ZNF783: variants seen among roughly 807,000 people sequenced by gnomAD.
ZNF783 encodes the protein protein ZNF783.
A neutral mutation model predicts 31.3 loss-of-function variants in ZNF783; 25 were observed. The observed-to-expected ratio is 0.80, with a 90% CI of 0.58 to 1.11. The LOEUF is 1.11. Among genes scored for constraint, ZNF783 ranks in the 50% most tolerant of loss-of-function variants. ZNF783 has a pLI of 0.00. For missense variants in ZNF783, 797 were observed against 760.0 expected (o/e 1.05, Z -0.57); for synonymous variants, 369 against 319.1 (o/e 1.16, Z -1.66).
At chr7:149,278,094 G>C (rs1797375237) in intron 4 of ZNF783, 1 of 1,083,116 alleles carries the variant, frequency 9.2e-7, no homozygotes, top group Non-Finnish European at 1.2e-6. Flanking sequence ...ACTGGCTGGT[G>C]GGACAGGCAT....
rs371019370 is a variant in ZNF783, at chr7:149,282,129, G to A, written c.1427G>A (p.Arg476His). The change falls in exon 6 of 6, where the codon CGC (arginine) becomes CAC (histidine). Residue 476 changes from arginine (R) to histidine (H), a missense_variant. Physicochemically the swap from Arg to His is conservative, Grantham distance 29. Transcript: ENST00000434415. ...TGCCCCTACTGCGGCAAGGCCTTCC[G>A]CCGGCCCTCGGACCTCTTCCGGCAC... The part of the protein sequence containing the change: ...PACPYCGKAF[R>H]RPSDLFRHQR... 1.9e-6 allele frequency: 3 copies of A among 1,599,258 alleles called. No homozygotes were observed. Among genetic ancestry groups the A allele is most frequent in the Non-Finnish European group, 1.7e-6 (2 of 1,179,262 alleles).
chr7:149,265,370 A>G (rs1398269351), intron 1 of ZNF783, among the ~76,000 whole-genome samples: 2 of 152,146 alleles, frequency 1.3e-5, no homozygotes, highest in Non-Finnish European at 1.5e-5. Flanking sequence ...AAAAGGCCAT[A>G]TGAACTATTT....
rs770547755 is a variant in ZNF783 at position 149,281,750 on chromosome 7, C to T, written c.1048C>T (p.Pro350Ser). 1 of 1,491,748 alleles carries T rather than the reference C, an allele frequency of 6.7e-7. No homozygotes were observed. The highest frequency in any genetic ancestry group is 8.9e-7 in the Non-Finnish European group (1 of 1,129,898). The allele number at this position is 1,491,748 out of a possible 1,614,324, so 92.4% of individuals were successfully genotyped here. ...CTCCCGCAGGCGGCAGCGGGCATTC[C>T]CCTGCCCCGACTGCGGGCAGAGCTT... Reference protein sequence around the residue: ...VLSRRRQRAFPCPDCGQSFRL... With the variant: ...VLSRRRQRAFSCPDCGQSFRL... Residue 350 changes from proline to serine, a missense_variant, in exon 6 of 6, where the codon CCC becomes TCC. Physicochemically the swap from Pro to Ser is moderately conservative, Grantham distance 74. Coordinates refer to ENST00000434415, the MANE Select transcript of ZNF783 (RefSeq NM_001195220.2).
rs709068 is a variant in ZNF783, at chr7:149,284,760, G to A, written c.*2417G>A. The A allele has an allele frequency of 0.082, 12,492 of 152,258 alleles. 540 individuals are homozygous for A. The highest frequency in any genetic ancestry group is 0.1 in the African/African-American group (4,359 of 41,528). 9.4% of individuals were successfully genotyped at this position (152,258 alleles called of 1,614,324 possible). Reference sequence around the variant, plus strand: ...TTGCCTAGCACTCAGACCTGTTTAAGTAACGTTCTTTACATTGAAACAAGT... The same window carrying A: ...TTGCCTAGCACTCAGACCTGTTTAAATAACGTTCTTTACATTGAAACAAGT... On this transcript the variant is annotated 3_prime_UTR_variant, in exon 6 of 6. Transcript: ENST00000434415.
At position 149,281,992 on chromosome 7, in the gene ZNF783, T is replaced by G. The variant is rs1797484163; in HGVS notation, c.1290T>G (p.Pro430=). The change falls in exon 6 of 6, where the codon CCT becomes CCG. Residue 430 remains proline (P), a synonymous_variant. Transcript: ENST00000434415. Reference sequence around the variant, plus strand: ...GCCGTGCCTTGGTGGGGCGGCGGCCTGCAGCCAGCAAGATGTACCACTGCA... The same window carrying G: ...GCCGTGCCTTGGTGGGGCGGCGGCCGGCAGCCAGCAAGATGTACCACTGCA... ...AGGRALVGRR[P]AASKMYHCSE... is the part of the protein sequence containing the mutation. 6.3e-7 allele frequency: 1 copy of G among 1,577,972 alleles called. No homozygotes were observed. The highest frequency in any genetic ancestry group is 2.3e-5 in the East Asian group (1 of 43,832).
intron 4 of ZNF783, 120 bp downstream of exon 4, chr7:149,267,342 A>G (rs950849390): frequency 1.1e-5 from 15 of 1,368,436 alleles, no homozygotes; most frequent in Non-Finnish European, 1.3e-5. Context: ...CCATTAACCC[A>G]AAGTGGGACC....
At chr7:149,278,313 G>A (rs1396593079) in intron 4 of ZNF783, 86 bp from the exon 5 acceptor site, 1 of 1,570,046 alleles carries the variant, frequency 6.4e-7, no homozygotes, top group Non-Finnish European at 8.6e-7. Context: ...GGATCGCAGT[G>A]ACTCTGCCTT....
chr7:149,264,962 T>TGGGGGAGAAGGCTGGAAGG (rs1797030253), intron 1 of ZNF783, among the ~76,000 whole-genome samples: 1 of 46,010 alleles, frequency 2.2e-5, no homozygotes. Context: ...AGGCTGGAAG[T>TGGGGGAGAAGGCTGGAAGG]GGGGGAGAAG....
At chr7:149,263,300 GTGTGTA>G (rs777517475) in intron 1 of ZNF783, among the ~76,000 whole-genome samples, 2,916 of 74,106 alleles carry the variant, frequency 0.039, 39 homozygotes, top group Admixed American at 0.088. Context: ...GTGTGTGTGT[GTGTGTA>G]TATATATATA....
Position 149,266,806 on chromosome 7 carries a change from C to T in ZNF783, c.421-13C>T. On this transcript the variant is annotated splice_polypyrimidine_tract_variant and intron_variant, in intron 2 of 5. Transcript: ENST00000434415. ...AGCGTGTGGGTGAGTGAGTGCGACA[C>T]TTATGGTTCCAGGTGCCCGTGACCT... The T allele has an allele frequency of 1.2e-6, 2 of 1,613,964 alleles. No individual in the cohort carries two copies. The highest frequency in any genetic ancestry group is 1.7e-6 in the Non-Finnish European group (2 of 1,180,012).
chr7:149,267,201 C>A lies in ZNF783; in HGVS notation c.652C>A (p.Arg218Ser), dbSNP rs61729498. 59 of 1,596,904 alleles carry A rather than the reference C, an allele frequency of 3.7e-5. No individual in the cohort carries two copies. The Middle Eastern group carries it at 5.0e-4, about 13-fold the overall frequency. ...QEKGNEVEVG[R>S]PRMMGTGLPP... ...GAAGGGGAATGAAGTAGAGGTGGGA[C>A]GTCCAAGGATGATGGGCACTGGTAA... The change falls in exon 4 of 6, where the codon CGT (arginine) becomes AGT (serine). Residue 218 changes from arginine to serine, a missense_variant. By Grantham distance (110) the Arg-to-Ser change is moderately radical. Coordinates refer to ENST00000434415, the MANE Select transcript of ZNF783 (RefSeq NM_001195220.2).
In ZNF783 at chr7:149,263,294, GTGTGTGTGTGTA is replaced by G. The variant is rs1159560392; in HGVS notation, c.24+939_24+950del. Among the ~76,000 whole-genome samples, 462 of 73,778 alleles carry G rather than the reference GTGTGTGTGTGTA, an allele frequency of 6.3e-3. 5 individuals carry two copies. The highest frequency in any genetic ancestry group is 0.021 in the African/African-American group (410 of 19,684). 48.4% of individuals were successfully genotyped at this position (73,778 alleles called of 152,430 possible). On this transcript the variant is annotated intron_variant, in intron 1 of 5. Transcript: ENST00000434415. ...TGTGTGTGTGTGTGTGTGTGTGTGT[GTGTGTGTGTGTA>G]TATATATATATATATATATTTTTTT...
At chr7:149,267,737 C>G (rs1161296782) in intron 4 of ZNF783, among the ~76,000 whole-genome samples, 1 of 152,106 alleles carries the variant, frequency 6.6e-6, no homozygotes, top group African/African-American at 2.4e-5. Flanking sequence ...GCGGAGTTTG[C>G]AATGAGCCGA....
Position 149,267,146 on chromosome 7 carries a change from G to T in ZNF783, c.597G>T (p.Glu199Asp), listed in dbSNP as rs1178735568. 1 of 1,599,578 alleles carries T rather than the reference G, an allele frequency of 6.3e-7. No homozygotes were observed. The highest frequency in any genetic ancestry group is 1.3e-5 in the African/African-American group (1 of 75,020). The change falls in exon 4 of 6, where the codon GAG (glutamate) becomes GAT (aspartate). Residue 199 changes from glutamate (E) to aspartate (D), a missense_variant. Transcript: ENST00000434415. ...PDILTRIERG[E>D]EPCLDRWGQE... is the part of the protein sequence containing the mutation. ...TCCTCACCCGGATAGAGAGGGGAGA[G>T]GAGCCTTGTCTTGACCGGTGGGGCC...
At chr7:149,263,263 TAC>T (rs1391419059) in intron 1 of ZNF783, among the ~76,000 whole-genome samples, 47 of 102,986 alleles carry the variant, frequency 4.6e-4, no homozygotes, top group African/African-American at 8.0e-4. Context: ...TATATATATA[TAC>T]GTGTGTGTGT....
At chr7:149,276,402 A>G in intron 4 of ZNF783, 1 of 987,678 alleles carries the variant, frequency 1.0e-6, no homozygotes, top group Non-Finnish European at 1.2e-6. Context: ...AATTTTTAGG[A>G]TCTGCTGATG....
rs1297003626 is a variant in ZNF783, at chr7:149,266,470, GAGA to G, written c.166_168del (p.Lys56del). 2 of 1,611,232 alleles carry G rather than the reference GAGA, an allele frequency of 1.2e-6. No individual in the cohort carries two copies. Among genetic ancestry groups the G allele is most frequent in the Non-Finnish European group, 8.5e-7 (1 of 1,179,996 alleles). ...GGTGGTGGCCGCCATTCAGGCCTTG[GAGA>G]AGAAGGTGGATTCCTGCCTGACCCG... On this transcript the variant is annotated inframe_deletion, in exon 2 of 6. Transcript: ENST00000434415.
chr7:149,268,654 A>G (rs953473230), intron 4 of ZNF783, among the ~76,000 whole-genome samples: 3 of 152,138 alleles, frequency 2.0e-5, no homozygotes, highest in Non-Finnish European at 2.9e-5. Context: ...GTTTATGTCA[A>G]TGTGTGCTCA....
At chr7:149,278,027 T>G in intron 4 of ZNF783, 1 of 385,356 alleles carries the variant, frequency 2.6e-6, no homozygotes. Flanking sequence ...CCCTATGCCA[T>G]AAGAGCAGCT....
Sources: gnomAD v4.1 joint callset for allele counts (sites outside exome capture counted in the v4.1 genomes callset) on GRCh38, gnomAD v4.1.1 for gene constraint, MANE v1.5 for transcripts, NCBI Gene and HGNC (gene_info 2026-07-23, HGNC 2026-07-21) for gene names.